NFIA: variants seen among roughly 807,000 people sequenced by gnomAD.
NFIA encodes nuclear factor 1 A-type.
In NFIA, 8 loss-of-function variants were observed where a neutral mutation model predicts 62.8. That is an observed-to-expected ratio of 0.13 (90% CI 0.07 to 0.23). The LOEUF (loss-of-function observed/expected upper bound fraction) is 0.23, where lower values mean the gene tolerates loss of function less well. Among genes scored for constraint, NFIA ranks in the 10% least tolerant of loss-of-function variants. The pLI is 1.00. For synonymous variants in NFIA, 235 were observed against 238.1 expected (o/e 0.99, Z 0.12); for missense variants, 410 against 642.1 (o/e 0.64, Z 3.91).
intron 2 of NFIA, among the ~76,000 whole-genome samples, chr1:61,155,914 A>G (rs992172492): frequency 6.6e-6 from 1 of 152,108 alleles, no homozygotes; most frequent in African/African-American, 2.4e-5. Flanking sequence ...AGGTGGATGG[A>G]TCACCTGAGG....
chr1:61,416,346 G>A (rs547355305), intron 9 of NFIA, among the ~76,000 whole-genome samples: 7 of 152,256 alleles, frequency 4.6e-5, no homozygotes, highest in African/African-American at 1.4e-4. Flanking sequence ...ACATGGGGGA[G>A]TTCATAAAAT....
intron 2 of NFIA, among the ~76,000 whole-genome samples, chr1:61,093,018 T>C (rs1646347097): frequency 6.6e-6 from 1 of 152,232 alleles, no homozygotes. Flanking sequence ...GCATATAGAA[T>C]ATTATAATTT....
intron 3 of NFIA, among the ~76,000 whole-genome samples, chr1:61,318,589 A>G (rs1180428192): frequency 2.6e-5 from 4 of 152,232 alleles, no homozygotes; most frequent in Non-Finnish European, 5.9e-5. Flanking sequence ...GCCAACACCC[A>G]TATAGTTGCT....
chr1:61,461,729 C>T lies in NFIA; in HGVS notation c.*6409C>T, dbSNP rs1668538207. 1 of 152,174 alleles carries T rather than the reference C, an allele frequency of 6.6e-6. No homozygotes were observed. Among genetic ancestry groups the T allele is most frequent in the African/African-American group, 2.4e-5 (1 of 41,450 alleles). The allele number at this position is 152,174 out of a possible 1,614,324, so 9.4% of individuals were successfully genotyped here. A position where few individuals can be genotyped will look rare whatever the true frequency, so the allele number is the denominator to read the frequency against. ...CGCCTATTTGATTCAGAAAAATAAA[C>T]TTTCCCAAAATGTGTCTGAACCACA... On this transcript the variant is annotated 3_prime_UTR_variant, in exon 11 of 11. Coordinates refer to ENST00000403491, the MANE Select transcript of NFIA (RefSeq NM_001134673.4).
At chr1:61,341,253 CG>C in intron 4 of NFIA, among the ~76,000 whole-genome samples, 1 of 151,620 alleles carries the variant, frequency 6.6e-6, no homozygotes, top group Non-Finnish European at 1.5e-5. Context: ...TTAGTAGAGA[CG>C]GGGTTTCACC....
chr1:61,385,187 A>G (rs548248935), intron 7 of NFIA, among the ~76,000 whole-genome samples: 2 of 152,260 alleles, frequency 1.3e-5, no homozygotes, highest in African/African-American at 4.8e-5. Context: ...CAGTGAGCCA[A>G]GATGGTGCCA....
chr1:61,392,795 C>T (rs1033064854), intron 7 of NFIA, among the ~76,000 whole-genome samples: 5 of 152,210 alleles, frequency 3.3e-5, no homozygotes, highest in Admixed American at 2.0e-4. Context: ...CAAAGGGCCT[C>T]CAGGGTGAGT....
intron 2 of NFIA, chr1:61,250,919 T>C (rs1655990705): frequency 6.6e-6 from 1 of 152,194 alleles, no homozygotes; most frequent in Non-Finnish European, 1.5e-5. Context: ...TTTTGGATAT[T>C]CCATAAACTG....
intron 2 of NFIA, among the ~76,000 whole-genome samples, chr1:61,143,550 T>C (rs1647697888): frequency 6.6e-6 from 1 of 152,028 alleles, no homozygotes; most frequent in Non-Finnish European, 1.5e-5. Context: ...CCACCACACC[T>C]GGTTAATTTT....
At chr1:61,095,660 C>T (rs1646398912) in intron 2 of NFIA, among the ~76,000 whole-genome samples, 1 of 152,132 alleles carries the variant, frequency 6.6e-6, no homozygotes, top group Non-Finnish European at 1.5e-5. Flanking sequence ...TTACACTTGT[C>T]ACTGTTAGGG....
intron 2 of NFIA, among the ~76,000 whole-genome samples, chr1:61,234,547 T>C (rs1260481616): frequency 6.6e-6 from 1 of 152,156 alleles, no homozygotes; most frequent in Non-Finnish European, 1.5e-5. Context: ...ACCTACCATA[T>C]TACTTTGCCC....
At chr1:61,364,568 A>T (rs1381504867) in intron 6 of NFIA, among the ~76,000 whole-genome samples, 2 of 152,184 alleles carry the variant, frequency 1.3e-5, no homozygotes, top group African/African-American at 2.4e-5. Context: ...TCAGCCAAGG[A>T]CCTCTTGACG....
intron 10 of NFIA, among the ~76,000 whole-genome samples, chr1:61,432,372 T>C (rs1667135188): frequency 6.6e-6 from 1 of 151,894 alleles, no homozygotes; most frequent in African/African-American, 2.4e-5. Flanking sequence ...ACCCCTCATT[T>C]CCAAGAAACA....
intron 2 of NFIA, among the ~76,000 whole-genome samples, chr1:61,235,680 A>G (rs1289701453): frequency 6.7e-6 from 1 of 148,792 alleles, no homozygotes; most frequent in African/African-American, 2.5e-5. Context: ...GGGTGTGGTG[A>G]TGCACACCTG....
chr1:61,135,034 T>C (rs1438400776), intron 2 of NFIA, among the ~76,000 whole-genome samples: 1 of 152,234 alleles, frequency 6.6e-6, no homozygotes, highest in Admixed American at 6.5e-5. Context: ...TTTACACCCA[T>C]TCTTTTCCCA....
Position 61,352,582 on chromosome 1 carries a change from A to G in NFIA, c.818+15A>G, listed in dbSNP as rs368669338. 8.2e-6 allele frequency: 13 copies of G among 1,577,956 alleles called. No homozygotes were observed. Among genetic ancestry groups the G allele is most frequent in the Non-Finnish European group, 1.1e-5 (13 of 1,147,440 alleles). On this transcript the variant is annotated intron_variant, in intron 5 of 10. Transcript: ENST00000403491. ...TCCTCTACGAGGTAATTTTATTGGC[A>G]GCTCTTGAAGAAATTATGCTACATG...
intron 2 of NFIA, among the ~76,000 whole-genome samples, chr1:61,206,085 C>T (rs186988746): frequency 1.3e-5 from 2 of 151,796 alleles, no homozygotes; most frequent in African/African-American, 4.8e-5. Flanking sequence ...TTTTTTATGC[C>T]CAACTAATGT....
chr1:61,119,339 A>G (rs779276596), intron 2 of NFIA, among the ~76,000 whole-genome samples: 20 of 152,306 alleles, frequency 1.3e-4, no homozygotes, highest in Non-Finnish European at 2.9e-4. Context: ...GCTTTATCAT[A>G]TGAGGTAATT....
intron 3 of NFIA, among the ~76,000 whole-genome samples, chr1:61,328,500 C>A (rs1297893965): frequency 3.3e-5 from 5 of 151,998 alleles, no homozygotes; most frequent in Non-Finnish European, 7.4e-5. Context: ...CGGCTCACCA[C>A]AACCTACGCT....
Sources: allele counts gnomAD v4.1 joint callset (sites outside exome capture counted in the v4.1 genomes callset), GRCh38; gene constraint gnomAD v4.1.1; transcripts MANE v1.5; gene names NCBI Gene and HGNC (gene_info 2026-07-23, HGNC 2026-07-21).